The following GSE1 variants were observed in gnomAD, a reference collection of about 807,000 sequenced individuals.
The protein encoded by GSE1 is Gse1 coiled-coil protein.
Under a neutral mutation model 112.6 loss-of-function variants are expected in GSE1, and 32 were observed. That is an observed-to-expected ratio of 0.28 (90% CI 0.21 to 0.38). The LOEUF is 0.38. Among genes scored for constraint, GSE1 ranks in the 10% least tolerant of loss-of-function variants. The pLI is 1.00. For synonymous variants in GSE1, 1,115 were observed against 735.6 expected, an observed-to-expected ratio of 1.52 and a Z score of -8.35; for missense variants, 2,348 against 1,699.2, an observed-to-expected ratio of 1.38 and a Z score of -6.71.
chr16:85,572,249 CCA>C (rs1395824870), intron 1 of GSE1, among the ~76,000 whole-genome samples: 3 of 147,796 alleles, frequency 2.0e-5, no homozygotes, highest in Admixed American at 6.7e-5. Context: ...ACACACCACA[CCA>C]CACACAACCA....
intron 1 of GSE1, among the ~76,000 whole-genome samples, chr16:85,587,576 C>G (rs900318179): frequency 6.6e-6 from 1 of 151,964 alleles, no homozygotes; most frequent in African/African-American, 2.4e-5. Context: ...CGATCCTGGG[C>G]GAGGTGGGGG....
intron 1 of GSE1, among the ~76,000 whole-genome samples, chr16:85,615,367 C>A (rs1001821039): frequency 6.6e-6 from 1 of 152,230 alleles, no homozygotes; most frequent in Admixed American, 6.5e-5. Flanking sequence ...AGAGACTTTC[C>A]GAGACAGCCA....
intron 2 of GSE1, among the ~76,000 whole-genome samples, chr16:85,370,021 C>G (rs1312718025): frequency 6.6e-6 from 1 of 152,198 alleles, no homozygotes; most frequent in Non-Finnish European, 1.5e-5. Context: ...CAGTTAGTAA[C>G]TCCCGAGTTT....
At chr16:85,479,521 C>G (rs1264191094) in intron 2 of GSE1, among the ~76,000 whole-genome samples, 1 of 152,014 alleles carries the variant, frequency 6.6e-6, no homozygotes, top group East Asian at 1.9e-4. Context: ...CCAGGCTGGT[C>G]TCAAGCTCCT....
chr16:85,429,035 G>A (rs369210205), intron 2 of GSE1, among the ~76,000 whole-genome samples: 2 of 152,194 alleles, frequency 1.3e-5, no homozygotes, highest in East Asian at 3.8e-4. Context: ...CATACAACAC[G>A]TGCACATACA....
chr16:85,605,869 C>A lies in GSE1; in HGVS notation c.38-42683C>A, dbSNP rs148190348. ...CAGCAGGCTGGGCTCATGGGCGGCC[C>A]AGGAGCTGAGACTGCCTTGCTTGGA... On this transcript the variant is annotated intron_variant, in intron 1 of 2. Transcript: ENST00000635906. 4.6e-3 allele frequency among the ~76,000 whole-genome samples: 690 copies of A among 151,524 alleles called. 14 individuals are homozygous for A. The highest frequency in any genetic ancestry group is 0.016 in the African/African-American group (655 of 40,836).
chr16:85,510,031 G>C (rs2051678709), intron 2 of GSE1, among the ~76,000 whole-genome samples: 1 of 152,208 alleles, frequency 6.6e-6, no homozygotes, highest in African/African-American at 2.4e-5. Context: ...CAAAGAGAGA[G>C]GCTTTATTAG....
upstream of GSE1, chr16:85,613,189 G>A (rs2048109193): frequency 4.2e-6 from 6 of 1,425,202 alleles, no homozygotes; most frequent in Non-Finnish European, 4.6e-6. Flanking sequence ...AGTGGCCCGG[G>A]AGTGGGCGGC....
chr16:85,555,207 A>G, upstream of GSE1: 4 of 985,300 alleles, frequency 4.1e-6, no homozygotes, highest in Non-Finnish European at 4.8e-6. Context: ...TTTCCAATTT[A>G]CCGATAATGA....
chr16:85,472,763 C>G (rs2050335161), intron 2 of GSE1, among the ~76,000 whole-genome samples: 1 of 152,232 alleles, frequency 6.6e-6, no homozygotes, highest in South Asian at 2.1e-4. Context: ...AGGCTAAGGA[C>G]AAGATCCGGG....
Position 85,481,750 on chromosome 16 carries a change from A to G in GSE1, c.2464+124107A>G, listed in dbSNP as rs149517313. ...AATGCATTTAGGAGGACTCTGCCCA[A>G]TGCCCGGCACTTTGGGAGATGTGGT... On this transcript the variant is annotated intron_variant, in intron 2 of 2. Transcript: ENST00000637419. Among the ~76,000 whole-genome samples the G allele has an allele frequency of 4.2e-4, 64 of 152,348 alleles. 1 individual carries two copies. The highest frequency in any genetic ancestry group is 1.4e-3 in the African/African-American group (59 of 41,584).
At chr16:85,317,028 G>A (rs1176411077) in intron 1 of GSE1, among the ~76,000 whole-genome samples, 2 of 152,194 alleles carry the variant, frequency 1.3e-5, no homozygotes, top group African/African-American at 2.4e-5. Flanking sequence ...GGGGCCTAAG[G>A]CAGAGGCAGG....
At chr16:85,483,345 C>T (rs957828084) in intron 2 of GSE1, among the ~76,000 whole-genome samples, 4 of 152,346 alleles carry the variant, frequency 2.6e-5, no homozygotes, top group South Asian at 2.1e-4. Flanking sequence ...GAGGGGAGTA[C>T]GTGGAGTTGA....
At chr16:85,349,934 G>A (rs1297198378) in intron 1 of GSE1, among the ~76,000 whole-genome samples, 1 of 152,204 alleles carries the variant, frequency 6.6e-6, no homozygotes, top group African/African-American at 2.4e-5. Context: ...CTCTGCCAGT[G>A]TTTACTGAGC....
intron 2 of GSE1, among the ~76,000 whole-genome samples, chr16:85,517,832 C>T (rs2052004178): frequency 6.6e-6 from 1 of 152,260 alleles, no homozygotes; most frequent in Non-Finnish European, 1.5e-5. Context: ...GGAGATAAAG[C>T]AGGCTCCGCC....
chr16:85,634,672 G>A (rs1405849870), intron 2 of GSE1, among the ~76,000 whole-genome samples: 1 of 152,344 alleles, frequency 6.6e-6, no homozygotes, highest in Non-Finnish European at 1.5e-5. Flanking sequence ...GGCCCCCGGG[G>A]TCTGGAGCCT....
At chr16:85,187,394 G>A (rs1163785138) in intron 1 of GSE1, among the ~76,000 whole-genome samples, 1 of 152,240 alleles carries the variant, frequency 6.6e-6, no homozygotes, top group African/African-American at 2.4e-5. Context: ...GAGCACCGGG[G>A]CCCCCGCTTC....
intron 2 of GSE1, among the ~76,000 whole-genome samples, chr16:85,402,535 G>A (rs2151674252): frequency 6.6e-6 from 1 of 152,340 alleles, no homozygotes. Context: ...CAAGCCATGT[G>A]GAGCCGGGGC....
At chr16:85,428,672 T>G (rs551075937) in intron 2 of GSE1, among the ~76,000 whole-genome samples, 9 of 152,248 alleles carry the variant, frequency 5.9e-5, no homozygotes, top group African/African-American at 1.9e-4. Context: ...GGCTGAAAGG[T>G]AAGCCCTCCC....
Sources: allele counts gnomAD v4.1 joint callset (sites outside exome capture counted in the v4.1 genomes callset), GRCh38; gene constraint gnomAD v4.1.1; transcripts MANE v1.5; gene names NCBI Gene and HGNC (gene_info 2026-07-23, HGNC 2026-07-21).